Variants in ZNF521 observed in about 807,000 individuals in gnomAD.
ZNF521 encodes the protein zinc finger protein 521.
Under a neutral mutation model 105.5 loss-of-function variants are expected in ZNF521, and 14 were observed. The ratio of observed to expected loss-of-function variants is 0.13; its 90% CI spans 0.09 to 0.21. The LOEUF is 0.21. Ranked by LOEUF, ZNF521 falls within the 10% of genes least tolerant of loss-of-function variation. The pLI is 1.00. For synonymous variants in ZNF521, 635 were observed against 606.0 expected (o/e 1.05, Z -0.70); for missense variants, 1,233 against 1,629.7 (o/e 0.76, Z 4.19).
intron 5 of ZNF521, among the ~76,000 whole-genome samples, chr18:25,152,962 G>A (rs1319158320): frequency 6.6e-6 from 1 of 152,084 alleles, no homozygotes; most frequent in African/African-American, 2.4e-5. Context: ...AATCTGACCC[G>A]AAATACCCCC....
chr18:25,123,054 A>G (rs1042425437), intron 5 of ZNF521, among the ~76,000 whole-genome samples: 5 of 152,032 alleles, frequency 3.3e-5, no homozygotes, highest in Non-Finnish European at 5.9e-5. Context: ...ACCAAATATT[A>G]AAAATATAAA....
At chr18:25,275,332 T>G (rs1468905939) in intron 3 of ZNF521, among the ~76,000 whole-genome samples, 1 of 152,098 alleles carries the variant, frequency 6.6e-6, no homozygotes, top group Non-Finnish European at 1.5e-5. Context: ...AGGACATCAC[T>G]AAAAGGGGGA....
At chr18:25,128,860 T>C (rs1383446826) in intron 5 of ZNF521, among the ~76,000 whole-genome samples, 2 of 152,058 alleles carry the variant, frequency 1.3e-5, no homozygotes, top group African/African-American at 4.8e-5. Flanking sequence ...TCAATATTGT[T>C]AAGATGTCAA....
At chr18:25,083,549 A>G (rs899046424) in intron 7 of ZNF521, among the ~76,000 whole-genome samples, 5 of 152,162 alleles carry the variant, frequency 3.3e-5, no homozygotes, top group Admixed American at 3.3e-4. Context: ...CTCCCACCCA[A>G]TTCTCCCAGC....
At chr18:25,290,760 G>T (rs8090075) in intron 3 of ZNF521, among the ~76,000 whole-genome samples, 95 of 151,820 alleles carry the variant, frequency 6.3e-4, no homozygotes, top group African/African-American at 2.2e-3. Flanking sequence ...ACAGGTACCC[G>T]CCACCACACC....
At chr18:25,171,886 C>T (rs2035454919) in intron 5 of ZNF521, among the ~76,000 whole-genome samples, 1 of 152,046 alleles carries the variant, frequency 6.6e-6, no homozygotes, top group Non-Finnish European at 1.5e-5. Context: ...TGTCAAGCTG[C>T]CACCCCTAAA....
At chr18:25,115,414 T>C (rs2034282687) in intron 5 of ZNF521, among the ~76,000 whole-genome samples, 1 of 152,152 alleles carries the variant, frequency 6.6e-6, no homozygotes, top group East Asian at 1.9e-4. Context: ...TGGAATTTAA[T>C]GTATCTCTTT....
intron 3 of ZNF521, among the ~76,000 whole-genome samples, chr18:25,244,454 T>A (rs1907567081): frequency 6.6e-6 from 1 of 152,120 alleles, no homozygotes; most frequent in Non-Finnish European, 1.5e-5. Context: ...AAACTTCAGC[T>A]TCCCCAGTCT....
At chr18:25,212,211 A>G (rs953921832) in intron 4 of ZNF521, among the ~76,000 whole-genome samples, 2 of 152,052 alleles carry the variant, frequency 1.3e-5, no homozygotes, top group African/African-American at 2.4e-5. Context: ...ATATAAAAAT[A>G]TATAAAAAAT....
intron 3 of ZNF521, among the ~76,000 whole-genome samples, chr18:25,257,826 A>G (rs1268818635): frequency 6.6e-6 from 1 of 152,180 alleles, no homozygotes; most frequent in Non-Finnish European, 1.5e-5. Flanking sequence ...GAAGAGGTCC[A>G]TATCCCATTA....
intron 5 of ZNF521, among the ~76,000 whole-genome samples, chr18:25,159,962 C>T (rs1486093025): frequency 2.0e-5 from 3 of 152,022 alleles, no homozygotes; most frequent in African/African-American, 7.2e-5. Flanking sequence ...TTAAAAATGC[C>T]AACATAAAAT....
At chr18:25,219,153 T>C (rs1905531771) in intron 4 of ZNF521, among the ~76,000 whole-genome samples, 1 of 152,230 alleles carries the variant, frequency 6.6e-6, no homozygotes, top group African/African-American at 2.4e-5. Flanking sequence ...AAAGTATGTG[T>C]TAACTGACTG....
chr18:25,307,767 GCTGT>G (rs886618797), intron 3 of ZNF521, among the ~76,000 whole-genome samples: 6 of 152,254 alleles, frequency 3.9e-5, no homozygotes, highest in African/African-American at 1.2e-4. Flanking sequence ...GTCTCTCTCT[GCTGT>G]CTGTCTGTCT....
At chr18:25,196,844 G>A (rs572885435) in intron 4 of ZNF521, among the ~76,000 whole-genome samples, 2 of 151,690 alleles carry the variant, frequency 1.3e-5, no homozygotes, top group Non-Finnish European at 3.0e-5. Flanking sequence ...ATTATATATT[G>A]TTTATTAGCA....
intron 7 of ZNF521, among the ~76,000 whole-genome samples, chr18:25,069,451 C>A (rs750801803): frequency 4.6e-5 from 7 of 152,154 alleles, no homozygotes; most frequent in Non-Finnish European, 1.0e-4. Flanking sequence ...TAAATTGCTA[C>A]GGCTCTGGGA....
At chr18:25,309,993 A>C (rs1005807896) in intron 3 of ZNF521, among the ~76,000 whole-genome samples, 1 of 152,280 alleles carries the variant, frequency 6.6e-6, no homozygotes. Flanking sequence ...TTTTGCAAGA[A>C]TGATAGAGAT....
chr18:25,173,516 G>A (rs143578109), intron 5 of ZNF521, among the ~76,000 whole-genome samples: 1 of 152,256 alleles, frequency 6.6e-6, no homozygotes, highest in Non-Finnish European at 1.5e-5. Context: ...CACCCCACGT[G>A]CACTTCTCAT....
intron 7 of ZNF521, among the ~76,000 whole-genome samples, chr18:25,087,836 C>T (rs2033656724): frequency 6.6e-6 from 1 of 152,180 alleles, no homozygotes; most frequent in Non-Finnish European, 1.5e-5. Context: ...GATCCACTGA[C>T]ACGTTATGAC....
rs1259313374 is a variant in ZNF521 at position 25,225,406 on chromosome 18, T to C, written c.2512A>G (p.Lys838Glu). ...LREKHCVFETKTPNCGTNGAS... is the reference protein window; with the variant it reads ...LREKHCVFETETPNCGTNGAS... ...CCATTTGTTCCACAGTTGGGTGTCT[T>C]GGTTTCGAATACACAGTGTTTTTCT... Residue 838 changes from lysine to glutamate, a missense_variant, in exon 4 of 8, where the codon AAG (lysine) becomes GAG (glutamate). Lys to Glu is a moderately conservative substitution (Grantham distance 56). This residue lies in a region of ZNF521 where 614 missense variants were observed against 751.5 expected (regional missense o/e 0.82). Coordinates refer to ENST00000361524, the MANE Select transcript of ZNF521 (RefSeq NM_015461.3). The surrounding 1 kb of genome is among the most constrained non-coding windows in gnomAD (Gnocchi z 5.6). The C allele has an allele frequency of 4.3e-6, 7 of 1,614,078 alleles. No individual in the cohort carries two copies. The Admixed American group carries it at 1.2e-4, about 27-fold the overall frequency.
Sources: gnomAD v4.1 joint callset for allele counts (sites outside exome capture counted in the v4.1 genomes callset) on GRCh38, gnomAD v4.1.1 for gene constraint, gnomAD v4.1.1 regional missense constraint, Gnocchi (gnomAD v3.1) non-coding constraint, MANE v1.5 for transcripts, NCBI Gene and HGNC (gene_info 2026-07-23, HGNC 2026-07-21) for gene names.